The following SIDT1 variants were observed in gnomAD, a reference collection of about 807,000 sequenced individuals.
The protein encoded by SIDT1 is SID1 transmembrane family, member 1.
A neutral mutation model predicts 107.5 loss-of-function variants in SIDT1; 101 were observed. The observed-to-expected ratio is 0.94, with a 90% CI of 0.80 to 1.11. The LOEUF (loss-of-function observed/expected upper bound fraction) is 1.11. Ranked by LOEUF, SIDT1 falls within the 50% of genes least tolerant of loss-of-function variation. The pLI, the probability that SIDT1 is intolerant of heterozygous loss-of-function variation, is 0.00. For missense variants in SIDT1, 1,076 were observed against 1,058.2 expected (o/e 1.02, Z -0.23); for synonymous variants, 395 against 398.2 (o/e 0.99, Z 0.10).
intron 1 of SIDT1, among the ~76,000 whole-genome samples, chr3:113,556,276 A>G (rs1201074638): frequency 6.6e-6 from 1 of 152,238 alleles, no homozygotes; most frequent in Non-Finnish European, 1.5e-5. Flanking sequence ...AACTATAGAA[A>G]TTATTTTCAT....
rs1946613582 is a variant in SIDT1 at position 113,623,422 on chromosome 3, T to A, written c.2091-5T>A. Reference sequence around the variant, plus strand: ...CGGCTGCCCACATTTCTCCCACGCCTGCAGCGCCCTCTTTGGATTGATATA... The same window carrying A: ...CGGCTGCCCACATTTCTCCCACGCCAGCAGCGCCCTCTTTGGATTGATATA... On this transcript the variant is annotated splice_polypyrimidine_tract_variant and splice_region_variant and intron_variant, in intron 21 of 24. Coordinates refer to ENST00000264852, the MANE Select transcript of SIDT1 (RefSeq NM_017699.3). 6.2e-7 allele frequency: 1 copy of A among 1,606,230 alleles called. No homozygotes were observed. Among genetic ancestry groups the A allele is most frequent in the African/African-American group, 1.3e-5 (1 of 74,696 alleles).
intron 1 of SIDT1, among the ~76,000 whole-genome samples, chr3:113,563,114 A>G (rs770874464): frequency 3.9e-5 from 6 of 152,212 alleles, no homozygotes; most frequent in Admixed American, 6.5e-5. Context: ...CTTTTGAGAA[A>G]CAGTAATTGG....
chr3:113,598,727 T>C (rs1273606634), intron 10 of SIDT1, among the ~76,000 whole-genome samples: 1 of 152,232 alleles, frequency 6.6e-6, no homozygotes, highest in Admixed American at 6.5e-5. Context: ...TATATGATAA[T>C]ATTCTCAGCA....
intron 24 of SIDT1, among the ~76,000 whole-genome samples, chr3:113,627,207 T>A (rs991381625): frequency 3.3e-5 from 5 of 152,174 alleles, no homozygotes; most frequent in Admixed American, 6.5e-5. Context: ...AGTAATGACT[T>A]CCCAGGCCAC....
intron 8 of SIDT1, 94 bp from the exon 9 acceptor site, chr3:113,585,083 T>C: frequency 3.5e-6 from 3 of 856,262 alleles, no homozygotes; most frequent in Non-Finnish European, 3.8e-6. Flanking sequence ...TAAGAATCAA[T>C]ATGATGGAGG....
At chr3:113,564,321 A>C (rs185794292) in intron 1 of SIDT1, among the ~76,000 whole-genome samples, 1 of 152,350 alleles carries the variant, frequency 6.6e-6, no homozygotes, top group East Asian at 1.9e-4. Context: ...ATTTGTTAAC[A>C]ATTATTAAAA....
At position 113,627,984 on chromosome 3, in the gene SIDT1, G is replaced by C; in HGVS notation, c.*276G>C. 2.3e-6 allele frequency: 1 copy of C among 441,694 alleles called. No individual in the cohort carries two copies. Among genetic ancestry groups the C allele is most frequent in the South Asian group, 2.9e-5 (1 of 34,630 alleles). The allele number at this position is 441,694 out of a possible 1,614,324, so 27.4% of individuals were successfully genotyped here. ...AGCTTTGGGAGTGCAACAGGGATAG[G>C]CACTGCATCCAAGTCAACTCACCAT... On this transcript the variant is annotated 3_prime_UTR_variant, in exon 25 of 25. Coordinates refer to ENST00000264852, the MANE Select transcript of SIDT1 (RefSeq NM_017699.3).
chr3:113,555,512 A>G (rs1352445336), intron 1 of SIDT1, among the ~76,000 whole-genome samples: 1 of 152,240 alleles, frequency 6.6e-6, no homozygotes, highest in Non-Finnish European at 1.5e-5. Context: ...TGGCCTGCCA[A>G]TGATTATCCT....
chr3:113,535,990 G>A (rs1360606282), intron 1 of SIDT1, among the ~76,000 whole-genome samples: 1 of 152,204 alleles, frequency 6.6e-6, no homozygotes, highest in Non-Finnish European at 1.5e-5. Flanking sequence ...GCTGTTGGAT[G>A]TAGCAGAATT....
At chr3:113,596,483 T>C (rs1187130167) in intron 10 of SIDT1, among the ~76,000 whole-genome samples, 1 of 152,214 alleles carries the variant, frequency 6.6e-6, no homozygotes, top group Non-Finnish European at 1.5e-5. Flanking sequence ...GATTAGACCC[T>C]GGAGCCTGGG....
intron 10 of SIDT1, among the ~76,000 whole-genome samples, chr3:113,598,248 T>G (rs1295790897): frequency 6.6e-6 from 1 of 151,890 alleles, no homozygotes; most frequent in Non-Finnish European, 1.5e-5. Flanking sequence ...TTCCTTAAAG[T>G]CTGAACAGAC....
At chr3:113,621,434 C>A (rs1946456727) in intron 21 of SIDT1, among the ~76,000 whole-genome samples, 1 of 149,262 alleles carries the variant, frequency 6.7e-6, no homozygotes, top group South Asian at 2.1e-4. Flanking sequence ...GTGAGACCCT[C>A]TCTCAAAAAA....
intron 10 of SIDT1, among the ~76,000 whole-genome samples, chr3:113,599,974 T>C (rs963918461): frequency 2.0e-5 from 3 of 152,180 alleles, no homozygotes; most frequent in Non-Finnish European, 4.4e-5. Context: ...GTGCACGTAA[T>C]ATCAAAACAT....
intron 18 of SIDT1, among the ~76,000 whole-genome samples, chr3:113,611,757 G>A (rs1945760200): frequency 6.6e-6 from 1 of 152,188 alleles, no homozygotes; most frequent in South Asian, 2.1e-4. Context: ...GGAAAAAACA[G>A]AAACCACCTT....
intron 18 of SIDT1, 23 bp downstream of exon 18, chr3:113,611,167 C>T: frequency 6.2e-7 from 1 of 1,610,520 alleles, no homozygotes; most frequent in Non-Finnish European, 8.5e-7. Flanking sequence ...CCTTCTTCCA[C>T]CTGGCTCTCG....
chr3:113,608,296 A>G, intron 16 of SIDT1, 79 bp downstream of exon 16: 2 of 1,549,188 alleles, frequency 1.3e-6, no homozygotes, highest in South Asian at 1.2e-5. Flanking sequence ...ATCTGGCTTA[A>G]TGGTGTGATG....
intron 1 of SIDT1, among the ~76,000 whole-genome samples, chr3:113,561,105 G>GC (rs1184308902): frequency 2.0e-5 from 3 of 152,162 alleles, no homozygotes; most frequent in Non-Finnish European, 4.4e-5. Context: ...AGGTGTCAGG[G>GC]CCCATTAAGC....
At chr3:113,618,644 T>G (rs1264131299) in intron 20 of SIDT1, among the ~76,000 whole-genome samples, 1 of 152,168 alleles carries the variant, frequency 6.6e-6, no homozygotes, top group African/African-American at 2.4e-5. Context: ...TTTAATGAAG[T>G]TATTTCCTCC....
At chr3:113,582,306 C>T (rs138515440) in intron 6 of SIDT1, among the ~76,000 whole-genome samples, 119 of 152,134 alleles carry the variant, frequency 7.8e-4, no homozygotes, top group African/African-American at 2.7e-3. Flanking sequence ...GTACCTGCAG[C>T]GTGATCTGTT....
Sources: gnomAD v4.1 joint callset for allele counts (sites outside exome capture counted in the v4.1 genomes callset) on GRCh38, gnomAD v4.1.1 for gene constraint, MANE v1.5 for transcripts, NCBI Gene and HGNC (gene_info 2026-07-23, HGNC 2026-07-21) for gene names.